ZBED6: variants seen among roughly 807,000 people sequenced by gnomAD.
ZBED6 encodes zinc finger BED domain-containing protein 6.
In ZBED6, 40 loss-of-function variants were observed where a neutral mutation model predicts 58.4. The observed-to-expected ratio is 0.68, with a 90% CI of 0.53 to 0.89. The LOEUF is 0.89. Among genes scored for constraint, ZBED6 ranks in the 40% least tolerant of loss-of-function variants. The pLI, the probability that ZBED6 is intolerant of heterozygous loss-of-function variation, is 0.00. For missense variants in ZBED6, 1,057 were observed against 1,003.9 expected (o/e 1.05, Z -0.71); for synonymous variants, 439 against 350.6 (o/e 1.25, Z -2.82).
chr1:203,809,336 C>T (rs1006838958), intron 1 of ZBED6, among the ~76,000 whole-genome samples: 16 of 151,790 alleles, frequency 1.1e-4, no homozygotes, highest in South Asian at 4.2e-4. Context: ...CTACCGTGCC[C>T]GGCTAATTTT....
At chr1:203,828,793 A>G (rs993975081) in intron 4 of ZBED6, among the ~76,000 whole-genome samples, 4 of 152,202 alleles carry the variant, frequency 2.6e-5, no homozygotes, top group Non-Finnish European at 4.4e-5. Flanking sequence ...CATATTTTCT[A>G]TTATCAGTTT....
At chr1:203,830,050 C>T (rs1393484146) in intron 6 of ZBED6, 73 bp from the exon 7 acceptor site, 7 of 1,354,978 alleles carry the variant, frequency 5.2e-6, no homozygotes, top group Non-Finnish European at 7.3e-6. Flanking sequence ...AAAATAAATG[C>T]CTGCTATGTA....
exon 1 of ZBED6, chr1:203,802,215 A>G (rs1670735849): frequency 6.6e-6 from 1 of 152,606 alleles, no homozygotes. Context: ...ATATATATAC[A>G]TACATCCATA....
At chr1:203,853,964 A>G (rs1370373591) in exon 17 of ZBED6, 1 of 152,574 alleles carries the variant, frequency 6.6e-6, no homozygotes, top group African/African-American at 2.4e-5. Context: ...TCCCTTTTGT[A>G]TATATTCTTT....
At chr1:203,823,718 AT>A (rs547130769) in intron 3 of ZBED6, among the ~76,000 whole-genome samples, 3 of 152,206 alleles carry the variant, frequency 2.0e-5, no homozygotes, top group Non-Finnish European at 4.4e-5. Flanking sequence ...CTAAATACTT[AT>A]ACTTTTTACA....
chr1:203,834,105 A>G (rs1368927902), intron 9 of ZBED6: 1 of 1,157,978 alleles, frequency 8.6e-7, no homozygotes, highest in African/African-American at 1.6e-5. Context: ...TAAAAATGGT[A>G]AAGAACACCT....
rs1468457299 is a variant in ZBED6 at position 203,810,224 on chromosome 1, C to T, written c.*2555-6702C>T. The stretch of plus-strand genomic sequence containing the variant: ...CTCCTGGTCTCAAGTGATCCTCTTG[C>T]CTTGGTCTCTCAAAGTGTTAGGATT... On this transcript the variant is annotated intron_variant, in intron 1 of 16. Transcript: ENST00000550078. Among the ~76,000 whole-genome samples the T allele has an allele frequency of 2.0e-5, 3 of 151,558 alleles. No homozygotes were observed. The East Asian group carries it at 5.8e-4, about 29-fold the overall frequency.
chr1:203,828,262 G>A, intron 3 of ZBED6, 37 bp from the exon 4 acceptor site: 7 of 1,612,776 alleles, frequency 4.3e-6, no homozygotes, highest in South Asian at 1.1e-5. Context: ...ACGTATCACT[G>A]TTTTATTTGA....
intron 2 of ZBED6, among the ~76,000 whole-genome samples, chr1:203,817,777 G>T (rs1251690729): frequency 6.6e-6 from 1 of 151,510 alleles, no homozygotes; most frequent in Non-Finnish European, 1.5e-5. Flanking sequence ...TTTTGAGACG[G>T]AGTCTAGTTC....
chr1:203,850,339 C>G, intron 14 of ZBED6, 176 bp from the exon 15 acceptor site: 2 of 894,056 alleles, frequency 2.2e-6, no homozygotes, highest in Admixed American at 3.9e-5. Context: ...ATGGTGACCA[C>G]CTGTAGTGAC....
chr1:203,840,752 G>C (rs531444967), intron 11 of ZBED6, among the ~76,000 whole-genome samples: 47 of 152,038 alleles, frequency 3.1e-4, no homozygotes, highest in African/African-American at 1.1e-3. Flanking sequence ...CCCTGCCTCA[G>C]CCTACCGAGT....
In ZBED6 at chr1:203,848,613, C is replaced by T. The variant is rs564552092; in HGVS notation, c.*4322+206C>T. ...CTTTTAAAGTTTTTTGTTTGCCGGG[C>T]GCGGTGGCTCACGCCTGTAATCCCA... On this transcript the variant is annotated intron_variant, in intron 13 of 16. Transcript: ENST00000550078. Among the ~76,000 whole-genome samples the T allele has an allele frequency of 1.6e-4, 25 of 152,244 alleles. No homozygotes were observed. In the East Asian group the frequency reaches 2.5e-3, roughly 15 times the overall value.
At chr1:203,808,970 A>G (rs1029996130) in intron 1 of ZBED6, among the ~76,000 whole-genome samples, 3 of 151,892 alleles carry the variant, frequency 2.0e-5, no homozygotes, top group Non-Finnish European at 2.9e-5. Flanking sequence ...AGCTGGGATT[A>G]CAGGCATTCG....
chr1:203,797,387 T>A lies in ZBED6; in HGVS notation c.-136T>A, dbSNP rs1241872317. On this transcript the variant is annotated 5_prime_UTR_variant, in exon 1 of 17. An upstream open reading frame in the 5' UTR gains an earlier in-frame stop. Coordinates refer to ENST00000550078, the Ensembl canonical transcript of ZBED6. ...TCCAAAAATAACCTGGCTTGGAAGT[T>A]ATTGGTCCAGTGGGAATTTGATTCC... The A allele has an allele frequency of 1.6e-5, 13 of 801,514 alleles. No homozygotes were observed. Among genetic ancestry groups the A allele is most frequent in the Non-Finnish European group, 2.4e-5 (13 of 545,822 alleles). The allele number at this position is 801,514 out of a possible 1,614,324, so 49.7% of individuals were successfully genotyped here.
intron 1 of ZBED6, chr1:203,805,569 T>G (rs1251062853): frequency 3.3e-6 from 2 of 608,808 alleles, no homozygotes; most frequent in African/African-American, 3.7e-5. Flanking sequence ...GAAAGATCAG[T>G]ATTTCATAGT....
chr1:203,847,842 A>G (rs1478724573), intron 12 of ZBED6, among the ~76,000 whole-genome samples, 155 bp downstream of exon 12: 2 of 152,086 alleles, frequency 1.3e-5, no homozygotes, highest in Non-Finnish European at 2.9e-5. Context: ...AGTGCTATGT[A>G]GACCTATGCT....
At chr1:203,798,085 A>G (rs745850745) in exon 1 of ZBED6, 1 of 1,536,148 alleles carries the variant, frequency 6.5e-7, no homozygotes, top group Non-Finnish European at 8.7e-7. Flanking sequence ...ACCAGGGCCA[A>G]CAAGTTTGGA....
exon 7 of ZBED6, chr1:203,830,123 G>A (rs762035841): frequency 1.3e-6 from 2 of 1,589,522 alleles, no homozygotes; most frequent in Non-Finnish European, 1.7e-6. Context: ...GAATTTTCAG[G>A]TGAATGTTTG....
chr1:203,821,161 T>A (rs565631819), intron 3 of ZBED6, among the ~76,000 whole-genome samples: 1 of 152,196 alleles, frequency 6.6e-6, no homozygotes, highest in East Asian at 1.9e-4. Context: ...TCTCGTGAGA[T>A]CTGATGGTTT....
Sources: gnomAD v4.1 joint callset for allele counts (sites outside exome capture counted in the v4.1 genomes callset) on GRCh38, gnomAD v4.1.1 for gene constraint, MANE v1.5 for transcripts, NCBI Gene and HGNC (gene_info 2026-07-23, HGNC 2026-07-21) for gene names.